The following CSNK1G3 variants were observed in gnomAD, a reference collection of about 807,000 sequenced individuals.
CSNK1G3 encodes casein kinase 1 gamma 3.
In CSNK1G3, 23 loss-of-function variants were observed where a neutral mutation model predicts 64.3. That is an observed-to-expected ratio of 0.36 (90% CI 0.26 to 0.51). The LOEUF is 0.51. Among genes scored for constraint, CSNK1G3 ranks in the 20% least tolerant of loss-of-function variants. The pLI, the probability that CSNK1G3 is intolerant of heterozygous loss-of-function variation, is 0.96. For missense variants in CSNK1G3, 357 were observed against 510.5 expected, an observed-to-expected ratio of 0.70 and a Z score of 2.90; for synonymous variants, 158 against 162.2, an observed-to-expected ratio of 0.97 and a Z score of 0.20.
intron 4 of CSNK1G3, 85 bp downstream of exon 4, chr5:123,557,649 G>A (rs1365613790): frequency 6.9e-6 from 6 of 865,716 alleles, no homozygotes; most frequent in African/African-American, 1.7e-5. Flanking sequence ...TTTAAGTTTG[G>A]TTAAGGAAAT....
intron 12 of CSNK1G3, among the ~76,000 whole-genome samples, chr5:123,612,416 T>C (rs1046409854): frequency 1.3e-5 from 2 of 152,140 alleles, no homozygotes; most frequent in African/African-American, 4.8e-5. Context: ...CAGAAGTATA[T>C]AAAACATACC....
chr5:123,586,166 G>C (rs994763955), intron 6 of CSNK1G3, among the ~76,000 whole-genome samples: 2 of 152,148 alleles, frequency 1.3e-5, no homozygotes, highest in Non-Finnish European at 2.9e-5. Context: ...AAAGAATTTG[G>C]ACACGAATCT....
intron 6 of CSNK1G3, among the ~76,000 whole-genome samples, chr5:123,582,996 T>A (rs1790586963): frequency 6.6e-6 from 1 of 152,220 alleles, no homozygotes; most frequent in South Asian, 2.1e-4. Context: ...ATGGCTTGAA[T>A]TTTGAAATGC....
At chr5:123,594,484 C>T (rs1241217693) in intron 10 of CSNK1G3, among the ~76,000 whole-genome samples, 1 of 152,154 alleles carries the variant, frequency 6.6e-6, no homozygotes, top group Non-Finnish European at 1.5e-5. Context: ...CTGTATAGTG[C>T]TTCTCCCTTT....
intron 4 of CSNK1G3, among the ~76,000 whole-genome samples, chr5:123,573,030 T>C (rs1788438371): frequency 6.6e-6 from 1 of 152,194 alleles, no homozygotes; most frequent in Non-Finnish European, 1.5e-5. Flanking sequence ...CAGTAGTGAC[T>C]CTCTTTTCAG....
At chr5:123,556,991 T>C (rs1164131699) in intron 3 of CSNK1G3, among the ~76,000 whole-genome samples, 1 of 152,146 alleles carries the variant, frequency 6.6e-6, no homozygotes, top group African/African-American at 2.4e-5. Flanking sequence ...GGAGTTAATA[T>C]GTATTTAACG....
intron 6 of CSNK1G3, among the ~76,000 whole-genome samples, chr5:123,586,994 A>G (rs1045561413): frequency 1.3e-5 from 2 of 152,166 alleles, no homozygotes; most frequent in Non-Finnish European, 2.9e-5. Flanking sequence ...CATAAGACTT[A>G]TTCACTATCA....
chr5:123,512,330 C>T (rs115874142), exon 1 of CSNK1G3: 1,990 of 153,136 alleles, frequency 0.013, 19 homozygotes, highest in Non-Finnish European at 0.022. Context: ...CCAGCGGCGG[C>T]GGTAGGAGGC....
chr5:123,566,512 T>G (rs760685914), intron 4 of CSNK1G3, among the ~76,000 whole-genome samples: 3 of 152,160 alleles, frequency 2.0e-5, no homozygotes, highest in Admixed American at 6.5e-5. Flanking sequence ...TCGTGCCCTC[T>G]TTTTCCTTAC....
chr5:123,564,485 T>C (rs1008418381), intron 4 of CSNK1G3, among the ~76,000 whole-genome samples: 2 of 152,108 alleles, frequency 1.3e-5, no homozygotes, highest in African/African-American at 4.8e-5. Flanking sequence ...TTAAGTGTTA[T>C]ATAATGCATT....
chr5:123,571,893 A>G (rs1005906515), intron 4 of CSNK1G3, among the ~76,000 whole-genome samples: 5 of 152,202 alleles, frequency 3.3e-5, no homozygotes, highest in African/African-American at 1.2e-4. Flanking sequence ...CTAAAAGAAA[A>G]TGATAGTTAT....
intron 6 of CSNK1G3, among the ~76,000 whole-genome samples, chr5:123,578,274 C>G (rs892591558): frequency 1.3e-5 from 2 of 151,636 alleles, no homozygotes. Context: ...TTTTTTATTT[C>G]CATCAGTAAT....
At chr5:123,558,923 T>C (rs1291367597) in intron 4 of CSNK1G3, among the ~76,000 whole-genome samples, 1 of 152,190 alleles carries the variant, frequency 6.6e-6, no homozygotes, top group Non-Finnish European at 1.5e-5. Flanking sequence ...TCAAATACTG[T>C]CATCAACATG....
chr5:123,594,879 C>T (rs1793130462), intron 10 of CSNK1G3, among the ~76,000 whole-genome samples, 160 bp from the exon 11 acceptor site: 1 of 152,064 alleles, frequency 6.6e-6, no homozygotes, highest in South Asian at 2.1e-4. Flanking sequence ...TAAAATCACT[C>T]CACATTCTGT....
At chr5:123,581,217 A>G (rs921218403) in intron 6 of CSNK1G3, among the ~76,000 whole-genome samples, 13 of 151,508 alleles carry the variant, frequency 8.6e-5, no homozygotes, top group African/African-American at 3.1e-4. Context: ...TTCAGGGTAT[A>G]GTTTTTTTTA....
chr5:123,551,421 T>TTCC (rs1783620008), intron 2 of CSNK1G3, among the ~76,000 whole-genome samples: 2 of 152,242 alleles, frequency 1.3e-5, no homozygotes, highest in Non-Finnish European at 2.9e-5. Context: ...GAATAGAGCT[T>TTCC]AAAGTTGACC....
chr5:123,513,134 G>C (rs1199757643), intron 1 of CSNK1G3, among the ~76,000 whole-genome samples: 1 of 152,128 alleles, frequency 6.6e-6, no homozygotes, highest in Non-Finnish European at 1.5e-5. Flanking sequence ...CTGTTTCTTA[G>C]AGCTTTGACT....
rs1441212355 is a variant in CSNK1G3, at chr5:123,573,256, GA to G, written c.290-133del. 5.6e-6 allele frequency: 5 copies of G among 889,708 alleles called. No homozygotes were observed. The Admixed American group carries it at 1.2e-4, about 21-fold the overall frequency. The allele number at this position is 889,708 out of a possible 1,614,324, so 55.1% of individuals were successfully genotyped here. On this transcript the variant is annotated intron_variant, in intron 4 of 12. Coordinates refer to ENST00000345990, the Ensembl canonical transcript of CSNK1G3. The stretch of plus-strand genomic sequence containing the variant: ...TTGGGAGGTTGGGAGGTTTGGTCAG[GA>G]AAAGTATGTATCTGGAAAAAGTGAT...
At position 123,606,889 on chromosome 5, in the gene CSNK1G3, A is replaced by T. The variant is rs568460082; in HGVS notation, c.1217+1527A>T. 2.0e-5 allele frequency among the ~76,000 whole-genome samples: 3 copies of T among 152,304 alleles called. No homozygotes were observed. In the South Asian group the frequency reaches 6.2e-4, roughly 32 times the overall value. On this transcript the variant is annotated intron_variant, in intron 12 of 12. Transcript: ENST00000345990. Reference sequence around the variant, plus strand: ...GATTACAAGCCAGCAGGAAGATTGCAGTTGTACTAGTATATGTCAGTATGT... The same window carrying T: ...GATTACAAGCCAGCAGGAAGATTGCTGTTGTACTAGTATATGTCAGTATGT...
Sources: gnomAD v4.1 joint callset for allele counts (sites outside exome capture counted in the v4.1 genomes callset) on GRCh38, gnomAD v4.1.1 for gene constraint, MANE v1.5 for transcripts, NCBI Gene and HGNC (gene_info 2026-07-23, HGNC 2026-07-21) for gene names.